ROBO2: variants seen among roughly 807,000 people sequenced by gnomAD.
ROBO2 encodes roundabout homolog 2.
A neutral mutation model predicts 160.8 loss-of-function variants in ROBO2; 53 were observed. That is an observed-to-expected ratio of 0.33 (90% CI 0.26 to 0.41). The LOEUF (loss-of-function observed/expected upper bound fraction) is 0.41, where lower values mean the gene tolerates loss of function less well. Among genes scored for constraint, ROBO2 ranks in the 10% least tolerant of loss-of-function variants. The probability of loss-of-function intolerance (pLI) is 1.00; values close to 1 mark genes in which losing one functional copy is unlikely to be tolerated. For synonymous variants in ROBO2, 664 were observed against 611.7 expected, an observed-to-expected ratio of 1.09 and a Z score of -1.26; for missense variants, 1,577 against 1,722.4, an observed-to-expected ratio of 0.92 and a Z score of 1.49.
chr3:76,521,443 C>T (rs1246330750), intron 2 of ROBO2, among the ~76,000 whole-genome samples: 1 of 151,950 alleles, frequency 6.6e-6, no homozygotes, highest in African/African-American at 2.4e-5. Flanking sequence ...TTGACAAGGC[C>T]CAAGGAGAAC....
intron 2 of ROBO2, among the ~76,000 whole-genome samples, chr3:76,873,597 CGTCGTA>C (rs1559633783): frequency 6.6e-6 from 1 of 151,706 alleles, no homozygotes; most frequent in African/African-American, 2.4e-5. Context: ...TCGTTGTCGT[CGTCGTA>C]GTAGTAGTAT....
At chr3:76,750,830 T>C (rs941000141) in intron 2 of ROBO2, among the ~76,000 whole-genome samples, 4 of 152,142 alleles carry the variant, frequency 2.6e-5, no homozygotes, top group African/African-American at 9.7e-5. Flanking sequence ...TCCATGCTCA[T>C]GGGTAGGAAG....
At chr3:77,478,490 C>T (rs1186511033) in intron 3 of ROBO2, among the ~76,000 whole-genome samples, 1 of 152,118 alleles carries the variant, frequency 6.6e-6, no homozygotes, top group African/African-American at 2.4e-5. Context: ...ATGAAACACA[C>T]AGAAACAGGC....
chr3:76,912,267 C>G (rs1242020372), intron 2 of ROBO2, among the ~76,000 whole-genome samples: 3 of 152,198 alleles, frequency 2.0e-5, no homozygotes, highest in Admixed American at 6.5e-5. Context: ...ATTGTCAAAT[C>G]ACAAGTGAAA....
At chr3:76,904,022 A>G (rs896158619) in intron 2 of ROBO2, among the ~76,000 whole-genome samples, 4 of 152,142 alleles carry the variant, frequency 2.6e-5, no homozygotes, top group African/African-American at 9.7e-5. Flanking sequence ...AGTCTCTATT[A>G]CCTTCACAAA....
chr3:76,504,630 G>A (rs1327219226), intron 2 of ROBO2, among the ~76,000 whole-genome samples: 1 of 135,668 alleles, frequency 7.4e-6, no homozygotes, highest in Non-Finnish European at 1.5e-5. Context: ...CTGGGTTCAC[G>A]CCATTCTCCT....
At chr3:76,208,655 CTCTGAGATT>C (rs904796378) in intron 2 of ROBO2, among the ~76,000 whole-genome samples, 23 of 152,118 alleles carry the variant, frequency 1.5e-4, no homozygotes, top group Non-Finnish European at 2.9e-4. Context: ...CTAGAAATCT[CTCTGAGATT>C]TCCTGTTCCT....
At chr3:77,006,228 T>C (rs893771484) in intron 2 of ROBO2, among the ~76,000 whole-genome samples, 1 of 151,726 alleles carries the variant, frequency 6.6e-6, no homozygotes, top group African/African-American at 2.4e-5. Context: ...TATATGTGAT[T>C]AATAGGAATA....
chr3:77,024,949 TCTC>T (rs145281782), intron 2 of ROBO2, among the ~76,000 whole-genome samples: 86 of 151,874 alleles, frequency 5.7e-4, no homozygotes, highest in African/African-American at 1.9e-3. Flanking sequence ...TGTTTTGTCT[TCTC>T]CTCTTAGCTG....
At chr3:77,280,369 T>C (rs973060256) in intron 2 of ROBO2, among the ~76,000 whole-genome samples, 7 of 152,134 alleles carry the variant, frequency 4.6e-5, no homozygotes, top group African/African-American at 1.7e-4. Flanking sequence ...AAATCTAGGG[T>C]TGATAAATAT....
intron 2 of ROBO2, among the ~76,000 whole-genome samples, chr3:76,960,642 C>A (rs2079582658): frequency 6.6e-6 from 1 of 152,052 alleles, no homozygotes. Context: ...CTGAAGTCAA[C>A]CTTATTTAAC....
intron 2 of ROBO2, among the ~76,000 whole-genome samples, chr3:76,539,433 G>A (rs1431122319): frequency 1.3e-5 from 2 of 151,166 alleles, no homozygotes; most frequent in East Asian, 3.9e-4. Flanking sequence ...ATGGATAGTA[G>A]GCCACAAAAT....
intron 2 of ROBO2, among the ~76,000 whole-genome samples, chr3:76,359,794 A>G (rs2075397310): frequency 6.6e-6 from 1 of 151,944 alleles, no homozygotes; most frequent in Admixed American, 6.6e-5. Context: ...TCCTAAGACT[A>G]CTTTTAGCTT....
At chr3:76,382,004 G>C (rs2076651249) in intron 2 of ROBO2, among the ~76,000 whole-genome samples, 1 of 151,816 alleles carries the variant, frequency 6.6e-6, no homozygotes, top group Admixed American at 6.6e-5. Flanking sequence ...GTTTTGATAA[G>C]GGTCTCACTC....
intron 2 of ROBO2, among the ~76,000 whole-genome samples, chr3:77,295,347 A>G (rs1472146918): frequency 6.6e-6 from 1 of 150,806 alleles, no homozygotes; most frequent in Non-Finnish European, 1.5e-5. Flanking sequence ...CACCAAAGAC[A>G]TAAAGTAAAA....
intron 2 of ROBO2, among the ~76,000 whole-genome samples, chr3:76,768,697 T>C (rs1023270919): frequency 2.7e-5 from 4 of 150,922 alleles, no homozygotes; most frequent in African/African-American, 9.7e-5. Context: ...TTAACAATTA[T>C]GTTAAATTTT....
At chr3:77,377,777 G>A (rs1192886546) in intron 2 of ROBO2, among the ~76,000 whole-genome samples, 1 of 152,182 alleles carries the variant, frequency 6.6e-6, no homozygotes, top group Non-Finnish European at 1.5e-5. Context: ...AGGACTTTTG[G>A]TGTTTAATCA....
intron 2 of ROBO2, among the ~76,000 whole-genome samples, chr3:76,425,169 C>T (rs2076160760): frequency 6.6e-6 from 1 of 152,018 alleles, no homozygotes. Flanking sequence ...ACCTGCCATT[C>T]AATTTGCCTA....
rs9872560 is a variant in ROBO2, at chr3:76,620,481, G to A, written c.110-477533G>A. ...CTAAACCGCATTCTAGGAGTTAGTAGTTGCTGTATTTTACATGACTGAGAA... is the reference window on the plus strand; with the variant it reads ...CTAAACCGCATTCTAGGAGTTAGTAATTGCTGTATTTTACATGACTGAGAA... On this transcript the variant is annotated intron_variant, in intron 2 of 26. Transcript: ENST00000487694. 5.2e-3 allele frequency among the ~76,000 whole-genome samples: 791 copies of A among 152,266 alleles called. 4 individuals carry two copies. Among genetic ancestry groups the A allele is most frequent in the African/African-American group, 0.018 (764 of 41,564 alleles).
Sources: gnomAD v4.1 joint callset for allele counts (sites outside exome capture counted in the v4.1 genomes callset) on GRCh38, gnomAD v4.1.1 for gene constraint, MANE v1.5 for transcripts, NCBI Gene and HGNC (gene_info 2026-07-23, HGNC 2026-07-21) for gene names.